The following COL19A1 variants were observed in gnomAD, a reference collection of about 807,000 sequenced individuals.
COL19A1 encodes collagen type XIX alpha 1 chain, also known as collagen alpha-1(XIX) chain.
In COL19A1, 159 loss-of-function variants were observed where a neutral mutation model predicts 190.2. The ratio of observed to expected loss-of-function variants is 0.84; its 90% confidence interval spans 0.73 to 0.95. The LOEUF (loss-of-function observed/expected upper bound fraction) is 0.95. Among genes scored for constraint, COL19A1 ranks in the 40% least tolerant of loss-of-function variants. The pLI is 0.00. For synonymous variants in COL19A1, 509 were observed against 458.9 expected (o/e 1.11, Z -1.39); for missense variants, 1,418 against 1,431.9 (o/e 0.99, Z 0.16).
At chr6:69,955,316 G>C (rs1036856945) in intron 9 of COL19A1, among the ~76,000 whole-genome samples, 1 of 151,798 alleles carries the variant, frequency 6.6e-6, no homozygotes, top group Admixed American at 6.6e-5. Context: ...AAATTACTTG[G>C]GTTTTCTTTT....
At chr6:70,176,465 TA>T in intron 41 of COL19A1, 54 bp from the exon 42 acceptor site, 1 of 1,556,878 alleles carries the variant, frequency 6.4e-7, no homozygotes, top group Non-Finnish European at 8.8e-7. Context: ...ATTAATTTCA[TA>T]ACTAAAGACT....
chr6:70,033,323 G>T (rs2150115449), intron 12 of COL19A1, among the ~76,000 whole-genome samples: 1 of 152,136 alleles, frequency 6.6e-6, no homozygotes, highest in Non-Finnish European at 1.5e-5. Context: ...GTAATAGCCG[G>T]GTCTTTCAGC....
At chr6:70,157,558 T>A (rs891618921) in intron 34 of COL19A1, among the ~76,000 whole-genome samples, 1 of 152,130 alleles carries the variant, frequency 6.6e-6, no homozygotes, top group African/African-American at 2.4e-5. Flanking sequence ...ATATTTTACA[T>A]TACCAGTAAT....
At chr6:70,199,347 A>G (rs1224022871) in intron 48 of COL19A1, among the ~76,000 whole-genome samples, 1 of 152,192 alleles carries the variant, frequency 6.6e-6, no homozygotes, top group Non-Finnish European at 1.5e-5. Flanking sequence ...TGTTCTGTCC[A>G]CTAGATTGTT....
chr6:70,111,491 G>T (rs1401666856), intron 16 of COL19A1, among the ~76,000 whole-genome samples: 1 of 152,126 alleles, frequency 6.6e-6, no homozygotes, highest in Non-Finnish European at 1.5e-5. Context: ...TAGGATTTTG[G>T]ACTCATTGCA....
intron 14 of COL19A1, among the ~76,000 whole-genome samples, chr6:70,053,257 C>G (rs1019872408): frequency 2.0e-5 from 3 of 152,134 alleles, no homozygotes; most frequent in Non-Finnish European, 2.9e-5. Context: ...TACTCAAGGA[C>G]TTTTTTAGAA....
chr6:69,922,030 C>T (rs1053345890), intron 4 of COL19A1, among the ~76,000 whole-genome samples: 4 of 151,986 alleles, frequency 2.6e-5, no homozygotes, highest in Non-Finnish European at 1.5e-5. Flanking sequence ...CCAATATGGC[C>T]TCTTTTATAA....
intron 36 of COL19A1, among the ~76,000 whole-genome samples, chr6:70,164,346 A>C (rs183249766): frequency 5.7e-4 from 87 of 152,298 alleles, no homozygotes; most frequent in Non-Finnish European, 1.0e-3. Context: ...CTAGCTATTT[A>C]GATCGGGGAA....
intron 18 of COL19A1, among the ~76,000 whole-genome samples, chr6:70,132,552 A>G (rs908804409): frequency 1.1e-4 from 16 of 152,362 alleles, no homozygotes; most frequent in African/African-American, 3.8e-4. Context: ...CACCACAGTG[A>G]AAATTTAAAG....
chr6:69,979,683 A>G (rs1263435006), intron 11 of COL19A1, among the ~76,000 whole-genome samples: 1 of 151,628 alleles, frequency 6.6e-6, no homozygotes, highest in Non-Finnish European at 1.5e-5. Context: ...TTTTTTTACT[A>G]ATGAGTTGAC....
intron 14 of COL19A1, among the ~76,000 whole-genome samples, chr6:70,038,566 A>T (rs1779475196): frequency 6.6e-6 from 1 of 152,240 alleles, no homozygotes. Context: ...CTGCTTCATT[A>T]AATGGAGAGA....
chr6:70,081,719 G>A (rs926569223), intron 15 of COL19A1, among the ~76,000 whole-genome samples: 1 of 152,094 alleles, frequency 6.6e-6, no homozygotes, highest in East Asian at 1.9e-4. Flanking sequence ...GCATGCTGAG[G>A]TATGATGGTT....
intron 1 of COL19A1, among the ~76,000 whole-genome samples, chr6:69,873,506 G>A (rs952951054): frequency 1.3e-4 from 20 of 152,206 alleles, no homozygotes; most frequent in Admixed American, 5.2e-4. Context: ...TAGGCCAGAG[G>A]CCAACTCATC....
chr6:70,175,655 G>T, intron 41 of COL19A1, among the ~76,000 whole-genome samples: 1 of 151,708 alleles, frequency 6.6e-6, no homozygotes, highest in African/African-American at 2.4e-5. Flanking sequence ...TTTAAATGTT[G>T]GTATTACTAG....
At chr6:70,117,722 A>G (rs1053276572) in intron 16 of COL19A1, among the ~76,000 whole-genome samples, 3 of 152,194 alleles carry the variant, frequency 2.0e-5, no homozygotes, top group Non-Finnish European at 2.9e-5. Flanking sequence ...CTGTAATTGT[A>G]TACTCACCAC....
intron 11 of COL19A1, among the ~76,000 whole-genome samples, chr6:69,999,909 C>T (rs543185214): frequency 6.6e-6 from 1 of 152,016 alleles, no homozygotes; most frequent in South Asian, 2.1e-4. Context: ...ACTTAAGTTT[C>T]AGGATACATG....
At chr6:70,031,035 C>G (rs1205143818) in intron 12 of COL19A1, among the ~76,000 whole-genome samples, 1 of 152,200 alleles carries the variant, frequency 6.6e-6, no homozygotes. Context: ...GCTTAAAACA[C>G]TTAAGTGGCT....
intron 15 of COL19A1, among the ~76,000 whole-genome samples, chr6:70,075,681 T>A (rs1472352582): frequency 6.6e-6 from 1 of 152,048 alleles, no homozygotes; most frequent in Non-Finnish European, 1.5e-5. Context: ...ACTGACAGTG[T>A]GCCTGTGTCT....
intron 2 of COL19A1, among the ~76,000 whole-genome samples, chr6:69,889,288 T>C (rs1769163469): frequency 6.6e-6 from 1 of 152,230 alleles, no homozygotes; most frequent in Non-Finnish European, 1.5e-5. Flanking sequence ...ATTTCATGTA[T>C]GATAATTCTG....
Sources: gnomAD v4.1 joint callset for allele counts (sites outside exome capture counted in the v4.1 genomes callset) on GRCh38, gnomAD v4.1.1 for gene constraint, MANE v1.5 for transcripts, NCBI Gene and HGNC (gene_info 2026-07-23, HGNC 2026-07-21) for gene names.